USP9Y: variants seen among roughly 807,000 people sequenced by gnomAD.
USP9Y encodes the protein ubiquitin specific peptidase 9 Y-linked.
Under a neutral mutation model 53.1 loss-of-function variants are expected in USP9Y, and 41 were observed. The observed-to-expected ratio is 0.77, with a 90% CI of 0.60 to 1.00. The LOEUF (loss-of-function observed/expected upper bound fraction) is 1.00, where lower values mean the gene tolerates loss of function less well. USP9Y is among the 50% of genes least tolerant of loss of function. The pLI is 0.00. For synonymous variants in USP9Y, 220 were observed against 173.7 expected, an observed-to-expected ratio of 1.27 and a Z score of -2.09; for missense variants, 567 against 535.8, an observed-to-expected ratio of 1.06 and a Z score of -0.58.
At position 12,842,455 on chromosome Y, in the gene USP9Y, C is replaced by G; in HGVS notation, c.6428C>G (p.Pro2143Arg). ...CCTTCTCCTTTTGCATCTCCAGGAC[C>G]TTCTAGTCAGGTAATTGCATGGCTT... ...SCPSPFASPG[P>R]SSQACDNLSL... The change falls in exon 38 of 46, where the codon CCT (proline) becomes CGT (arginine). Residue 2143 changes from proline (P) to arginine (R), a missense_variant. By Grantham distance (103) the Pro-to-Arg change is moderately radical. Transcript: ENST00000338981. 2.6e-6 allele frequency: 1 copy of G among 391,167 alleles called. No individual in the cohort carries two copies. The highest frequency in any genetic ancestry group is 3.6e-6 in the Non-Finnish European group (1 of 278,643).
chrY:12,722,395 TAC>T (rs2053436800), intron 5 of USP9Y, among the ~76,000 whole-genome samples: 3 of 31,940 alleles, frequency 9.4e-5, no homozygotes, highest in African/African-American at 1.2e-4. Flanking sequence ...TATATATATA[TAC>T]ACACACACAG....
intron 3 of USP9Y, among the ~76,000 whole-genome samples, chrY:12,718,732 C>T: frequency 3.0e-5 from 1 of 33,332 alleles, no homozygotes; most frequent in Non-Finnish European, 7.4e-5. Flanking sequence ...TTAATCAGTC[C>T]TCCCATCTTC....
intron 3 of USP9Y, among the ~76,000 whole-genome samples, chrY:12,714,822 A>G: frequency 3.1e-5 from 1 of 32,052 alleles, no homozygotes. Flanking sequence ...GTCTCTTCAA[A>G]CAGTTTTTTT....
At chrY:12,703,976 C>T in intron 1 of USP9Y, among the ~76,000 whole-genome samples, 1 of 33,311 alleles carries the variant, frequency 3.0e-5, no homozygotes, top group Non-Finnish European at 7.4e-5. Flanking sequence ...ACACAGAGTG[C>T]TCATTGGTGC....
intron 15 of USP9Y, among the ~76,000 whole-genome samples, chrY:12,762,145 A>G: frequency 3.0e-5 from 1 of 33,162 alleles, no homozygotes. Context: ...AGCTAAAACC[A>G]GTGAAAGCAA....
intron 18 of USP9Y, among the ~76,000 whole-genome samples, 200 bp from the exon 19 acceptor site, chrY:12,776,449 C>G: frequency 3.0e-5 from 1 of 33,669 alleles, no homozygotes; most frequent in African/African-American, 1.2e-4. Context: ...CCAACATTCA[C>G]TTTTTAAAAA....
chrY:12,778,443 C>A (rs900502469), intron 20 of USP9Y, among the ~76,000 whole-genome samples, 163 bp from the exon 21 acceptor site: 1 of 33,002 alleles, frequency 3.0e-5, no homozygotes, highest in African/African-American at 1.2e-4. Flanking sequence ...TGTCACAGAA[C>A]TTAAAGGAAA....
chrY:12,738,184 T>C lies in USP9Y; in HGVS notation c.1192T>C (p.Ser398Pro), dbSNP rs2053453587. 2.5e-6 allele frequency: 1 copy of C among 392,768 alleles called. No homozygotes were observed. Residue 398 changes from serine (S) to proline (P), a missense_variant, in exon 11 of 46, where the codon TCC (serine) becomes CCC (proline). Coordinates refer to ENST00000338981, the MANE Select transcript of USP9Y (RefSeq NM_004654.4). ...ATGGATACAGCAAAATAATATCTTA[T>C]CCATAGTCTTGCAAGACAGTCTTCA... ...AEWIQQNNIL[S>P]IVLQDSLHQP...
intron 21 of USP9Y, 64 bp from the exon 22 acceptor site, chrY:12,779,462 C>T: frequency 2.8e-6 from 1 of 363,336 alleles, no homozygotes. Flanking sequence ...GATAAATTTT[C>T]ATTAACAAAA....
Position 12,811,650 on chromosome Y carries a change from A to G in USP9Y, c.4255A>G (p.Thr1419Ala). Residue 1419 changes from threonine to alanine, a missense_variant, in exon 30 of 46, where the codon ACA becomes GCA. By Grantham distance (58) the Thr-to-Ala change is moderately conservative. Transcript: ENST00000338981. ...CCTTTTGCAGGATAATGTTAAAAAC[A>G]CAGGTGAAACAGGTGTCGAAGAGCC... ...LKRIRDNVKN[T>A]GETGVEEPIL... 1 of 397,634 alleles carries G rather than the reference A, an allele frequency of 2.5e-6. No homozygotes were observed. The highest frequency in any genetic ancestry group is 3.5e-6 in the Non-Finnish European group (1 of 282,753).
intron 22 of USP9Y, among the ~76,000 whole-genome samples, chrY:12,784,061 G>A: frequency 3.0e-5 from 1 of 33,718 alleles, no homozygotes; most frequent in African/African-American, 1.2e-4. Flanking sequence ...AGAAATAAGA[G>A]TTACTGACTT....
rs72609650 is a variant in USP9Y at position 12,716,429 on chromosome Y, G to A, written c.97-4160G>A. 4.9e-3 allele frequency among the ~76,000 whole-genome samples: 160 copies of A among 32,836 alleles called. No homozygotes were observed. The East Asian group carries it at 0.11, about 23-fold the overall frequency. The allele number at this position is 32,836 out of a possible 37,273, so 88.1% of individuals were successfully genotyped here. A position where few individuals can be genotyped will look rare whatever the true frequency, so the allele number is the denominator to read the frequency against. The stretch of plus-strand genomic sequence containing the variant: ...ATCTTTTTTTAAAGTACTTTATAAG[G>A]TTTCCTCAGCACTGGTTCTGCTCTA... On this transcript the variant is annotated intron_variant, in intron 3 of 45. Coordinates refer to ENST00000338981, the MANE Select transcript of USP9Y (RefSeq NM_004654.4).
rs2032603 is a variant in USP9Y, at chrY:12,856,602, A to G, written c.7222-31A>G. 101 of 387,036 alleles carry G rather than the reference A, an allele frequency of 2.6e-4. No individual in the cohort carries two copies. In the African/African-American group the frequency reaches 3.3e-3, roughly 13 times the overall value. On this transcript the variant is annotated intron_variant, in intron 43 of 45. Transcript: ENST00000338981. ...TTAAGCTGATACTGAAAATCATTCT[A>G]AATTCTAAATAGTTTTATTTTTTTC...
Position 12,719,684 on chromosome Y carries a change from T to C in USP9Y, c.97-905T>C, listed in dbSNP as rs2053433465. Among the ~76,000 whole-genome samples the C allele has an allele frequency of 9.1e-5, 3 of 32,917 alleles. No individual in the cohort carries two copies. The South Asian group carries it at 2.0e-3, about 22-fold the overall frequency. 88.3% of individuals were successfully genotyped at this position (32,917 alleles called of 37,273 possible). The stretch of plus-strand genomic sequence containing the variant: ...ATCCTATCCTTAAGGAGATAATTCA[T>C]AAGGTTTATTATGAATGTATTTATT... On this transcript the variant is annotated intron_variant, in intron 3 of 45. Transcript: ENST00000338981.
chrY:12,782,427 A>G (rs2148286281), intron 22 of USP9Y, among the ~76,000 whole-genome samples: 1 of 33,786 alleles, frequency 3.0e-5, no homozygotes, highest in African/African-American at 1.1e-4. Flanking sequence ...ATTTCCACAT[A>G]CATCTCCGTG....
chrY:12,851,832 T>C (rs2053571463), intron 42 of USP9Y, among the ~76,000 whole-genome samples: 2 of 33,620 alleles, frequency 5.9e-5, no homozygotes, highest in Admixed American at 2.7e-4. Context: ...TTTAAGAACA[T>C]TGAATACTGG....
chrY:12,744,609 A>T, intron 12 of USP9Y, among the ~76,000 whole-genome samples: 1 of 33,817 alleles, frequency 3.0e-5, no homozygotes, highest in African/African-American at 1.2e-4. Context: ...AGAAGCTAGG[A>T]TTCCTCCAGG....
intron 33 of USP9Y, among the ~76,000 whole-genome samples, chrY:12,832,826 G>A: frequency 1.2e-4 from 4 of 33,230 alleles, no homozygotes; most frequent in African/African-American, 4.7e-4. Flanking sequence ...GTACTTAAGA[G>A]ATTGTTTGAT....
Position 12,856,708 on chromosome Y carries a change from A to G in USP9Y, c.7297A>G (p.Thr2433Ala). The stretch of plus-strand genomic sequence containing the variant: ...AGATGAACTTGAAAGAAGACCATAT[A>G]CTGGCAATCCTCAGTATAGTTACAA... The part of the protein sequence containing the change: ...LGDELERRPY[T>A]GNPQYSYNNW... Residue 2433 changes from threonine (T) to alanine (A), a missense_variant, in exon 44 of 46, where the codon ACT becomes GCT. Transcript: ENST00000338981. 2.5e-6 allele frequency: 1 copy of G among 395,469 alleles called. No homozygotes were observed. The highest frequency in any genetic ancestry group is 3.5e-6 in the Non-Finnish European group (1 of 282,479).
Sources: allele counts gnomAD v4.1 joint callset (sites outside exome capture counted in the v4.1 genomes callset), GRCh38; gene constraint gnomAD v4.1.1; transcripts MANE v1.5; gene names NCBI Gene and HGNC (gene_info 2026-07-23, HGNC 2026-07-21).